SLC24A2: variants seen among roughly 807,000 people sequenced by gnomAD.
SLC24A2 encodes solute carrier family 24 member 2.
A neutral mutation model predicts 62.0 loss-of-function variants in SLC24A2; 36 were observed. The observed-to-expected ratio is 0.58, with a 90% CI of 0.44 to 0.77. SLC24A2 has a LOEUF of 0.77. Among genes scored for constraint, SLC24A2 ranks in the 30% least tolerant of loss-of-function variants. The pLI, the probability that SLC24A2 is intolerant of heterozygous loss-of-function variation, is 0.00. For synonymous variants in SLC24A2, 358 were observed against 294.0 expected (o/e 1.22, Z -2.23); for missense variants, 846 against 817.9 (o/e 1.03, Z -0.42).
chr9:19,853,447 T>C, the SLC24A2 span, among the ~76,000 whole-genome samples: 2 of 152,208 alleles, frequency 1.3e-5, no homozygotes, highest in African/African-American at 2.4e-5. Flanking sequence ...TGTGGTTTTG[T>C]CAAAAATGGC....
the SLC24A2 span, among the ~76,000 whole-genome samples, chr9:20,156,523 C>A: frequency 6.6e-6 from 1 of 151,770 alleles, no homozygotes; most frequent in African/African-American, 2.4e-5. Context: ...ATCTTTATTA[C>A]TTGCCATTTT....
chr9:19,880,095 G>T, the SLC24A2 span, among the ~76,000 whole-genome samples: 1 of 152,130 alleles, frequency 6.6e-6, no homozygotes, highest in African/African-American at 2.4e-5. Flanking sequence ...GTTTTCCTGT[G>T]TATTTCCCTA....
chr9:20,040,514 G>A, the SLC24A2 span, among the ~76,000 whole-genome samples: 100 of 152,278 alleles, frequency 6.6e-4, no homozygotes, highest in African/African-American at 2.3e-3. Context: ...CCCAATGTGC[G>A]TCACCCATTT....
the SLC24A2 span, among the ~76,000 whole-genome samples, chr9:19,991,794 A>G: frequency 6.6e-6 from 1 of 152,166 alleles, no homozygotes; most frequent in African/African-American, 2.4e-5. Flanking sequence ...TCAGTGGTTG[A>G]TTATAGAGGA....
At chr9:20,057,002 T>A in the SLC24A2 span, among the ~76,000 whole-genome samples, 1 of 152,224 alleles carries the variant, frequency 6.6e-6, no homozygotes, top group Non-Finnish European at 1.5e-5. Flanking sequence ...CCCTAAAGCA[T>A]TAATTTTATT....
chr9:19,890,523 G>A, the SLC24A2 span, among the ~76,000 whole-genome samples: 1 of 152,126 alleles, frequency 6.6e-6, no homozygotes, highest in African/African-American at 2.4e-5. Flanking sequence ...GGTTTTGTGT[G>A]TCAGCATATT....
chr9:19,745,402 C>T (rs978296661), intron 2 of SLC24A2, among the ~76,000 whole-genome samples: 1 of 152,156 alleles, frequency 6.6e-6, no homozygotes, highest in African/African-American at 2.4e-5. Flanking sequence ...CTCCATACAT[C>T]CTTAAAACAA....
At chr9:20,263,585 T>C in the SLC24A2 span, among the ~76,000 whole-genome samples, 1 of 152,126 alleles carries the variant, frequency 6.6e-6, no homozygotes, top group Non-Finnish European at 1.5e-5. Flanking sequence ...AGTGAAAAAT[T>C]AGGAAGCCAG....
chr9:19,781,217 A>G lies in SLC24A2; in HGVS notation c.930+4720T>C, dbSNP rs1258453806. Among the ~76,000 whole-genome samples, 10 of 152,332 alleles carry G rather than the reference A, an allele frequency of 6.6e-5. No individual in the cohort carries two copies. The East Asian group carries it at 7.7e-4, about 12-fold the overall frequency. ...CTTGCCAAAACCACACTCTGGATGT[A>G]CTTGTGTCCCCAGTAGCAAGAGAAT... On this transcript the variant is annotated intron_variant, in intron 2 of 10. Transcript: ENST00000341998.
At chr9:19,517,797 T>G (rs2225143) in intron 10 of SLC24A2, among the ~76,000 whole-genome samples, 48,166 of 151,190 alleles carry the variant, frequency 0.32, 8,508 homozygotes, top group East Asian at 0.49. Flanking sequence ...GGAAGGGGAG[T>G]GCCTGAGAGT....
chr9:19,684,027 G>T lies in SLC24A2; in HGVS notation c.931-61728C>A, dbSNP rs995024392. On this transcript the variant is annotated intron_variant, in intron 2 of 10. Coordinates refer to ENST00000341998, the MANE Select transcript of SLC24A2 (RefSeq NM_020344.4). ...AAGGGCAATTTATTGTAAGGAATGG[G>T]GAACTCACTGGATTGAAAGAAAATC... Among the ~76,000 whole-genome samples, 15 of 152,096 alleles carry T rather than the reference G, an allele frequency of 9.9e-5. No homozygotes were observed. In the East Asian group the frequency reaches 1.2e-3, roughly 12 times the overall value.
In SLC24A2 at chr9:19,586,062, C is replaced by T. The variant is rs79013303; in HGVS notation, c.1130-9040G>A. ...GCTTGGAATTCTCCACACTTCTTAT[C>T]TGTCTTATTTCTTTTTAAGAAACTT... On this transcript the variant is annotated intron_variant, in intron 5 of 10. Transcript: ENST00000341998. Among the ~76,000 whole-genome samples the T allele has an allele frequency of 8.6e-3, 1,307 of 152,290 alleles. 25 individuals carry two copies. Among genetic ancestry groups the T allele is most frequent in the African/African-American group, 0.029 (1,195 of 41,530 alleles).
the SLC24A2 span, among the ~76,000 whole-genome samples, chr9:19,861,906 GA>G: frequency 2.6e-5 from 4 of 151,848 alleles, no homozygotes; most frequent in South Asian, 4.2e-4. Context: ...GGAAACAAAA[GA>G]AAAAAAGAAT....
intron 2 of SLC24A2, among the ~76,000 whole-genome samples, chr9:19,706,650 T>G (rs1820531976): frequency 1.3e-5 from 2 of 152,116 alleles, no homozygotes; most frequent in Non-Finnish European, 2.9e-5. Context: ...AGTGCTGGGA[T>G]TACAGGCGTG....
chr9:19,998,569 A>G, the SLC24A2 span, among the ~76,000 whole-genome samples: 1 of 152,208 alleles, frequency 6.6e-6, no homozygotes, highest in African/African-American at 2.4e-5. Flanking sequence ...TCAGAAGCTT[A>G]TGAGGATTAG....
At chr9:20,283,975 G>A in the SLC24A2 span, among the ~76,000 whole-genome samples, 1 of 152,102 alleles carries the variant, frequency 6.6e-6, no homozygotes, top group Non-Finnish European at 1.5e-5. Context: ...TAACATGCGT[G>A]CCCAAAAAGC....
At chr9:20,007,891 T>C in the SLC24A2 span, among the ~76,000 whole-genome samples, 1 of 99,560 alleles carries the variant, frequency 1.0e-5, no homozygotes, top group Admixed American at 9.9e-5. Flanking sequence ...TTTTTTTTTT[T>C]TTTTTTTTTT....
the SLC24A2 span, among the ~76,000 whole-genome samples, chr9:19,951,148 C>A: frequency 1.2e-4 from 19 of 152,110 alleles, no homozygotes; most frequent in South Asian, 4.1e-4. Context: ...ATAATGGGAA[C>A]TTACTTCATA....
the SLC24A2 span, among the ~76,000 whole-genome samples, chr9:19,857,322 G>A: frequency 6.6e-6 from 1 of 152,128 alleles, no homozygotes; most frequent in Non-Finnish European, 1.5e-5. Flanking sequence ...AGTGGGCCTA[G>A]CAAGGTAATC....
Sources: gnomAD v4.1 joint callset for allele counts (sites outside exome capture counted in the v4.1 genomes callset) on GRCh38, gnomAD v4.1.1 for gene constraint, MANE v1.5 for transcripts, NCBI Gene and HGNC (gene_info 2026-07-23, HGNC 2026-07-21) for gene names.